The following NUP62 variants were observed in gnomAD, a reference collection of about 807,000 sequenced individuals.
NUP62 encodes the protein nuclear pore glycoprotein p62.
For synonymous variants in NUP62, 305 were observed against 303.4 expected (o/e 1.01, Z -0.05); for missense variants, 647 against 689.4 (o/e 0.94, Z 0.69).
At chr19:49,916,915 C>T (rs980378792) in intron 2 of NUP62, among the ~76,000 whole-genome samples, 3 of 152,168 alleles carry the variant, frequency 2.0e-5, no homozygotes, top group Admixed American at 6.5e-5. Context: ...AGCGAGACCC[C>T]GTCTCAAACA....
intron 2 of NUP62, among the ~76,000 whole-genome samples, chr19:49,913,552 G>A (rs570599055): frequency 2.4e-4 from 37 of 152,312 alleles, no homozygotes; most frequent in African/African-American, 7.5e-4. Flanking sequence ...CTCCGTAAGC[G>A]TTACCACACG....
chr19:49,911,322 A>C (rs2075456880), intron 2 of NUP62: 1 of 152,244 alleles, frequency 6.6e-6, no homozygotes, highest in Non-Finnish European at 1.5e-5. Context: ...GGAGCCAAGG[A>C]AGGCAGAAGC....
chr19:49,926,924 C>T (rs893124649), intron 2 of NUP62, among the ~76,000 whole-genome samples: 34 of 150,586 alleles, frequency 2.3e-4, no homozygotes, highest in East Asian at 2.0e-4. Flanking sequence ...GGCACAATCT[C>T]GGCTTACTGC....
intron 2 of NUP62, among the ~76,000 whole-genome samples, chr19:49,926,501 G>A (rs954048703): frequency 2.0e-5 from 3 of 152,028 alleles, no homozygotes; most frequent in African/African-American, 7.2e-5. Flanking sequence ...CTGCACTCCA[G>A]CCTGGGCGAC....
At chr19:49,927,413 G>A (rs1301617794) in intron 2 of NUP62, among the ~76,000 whole-genome samples, 1 of 152,058 alleles carries the variant, frequency 6.6e-6, no homozygotes, top group South Asian at 2.1e-4. Context: ...CAAAAAATTC[G>A]CATGTTTTGG....
chr19:49,920,217 G>A (rs2075732091), intron 2 of NUP62, among the ~76,000 whole-genome samples: 1 of 152,204 alleles, frequency 6.6e-6, no homozygotes, highest in South Asian at 2.1e-4. Context: ...CAAGTAGCTG[G>A]GACTACAGGC....
chr19:49,910,071 G>A lies in NUP62; in HGVS notation c.-77-187C>T, dbSNP rs1034545109. Among the ~76,000 whole-genome samples, 4 of 152,204 alleles carry A rather than the reference G, an allele frequency of 2.6e-5. 1 individual carries two copies. The South Asian group carries it at 8.3e-4, about 32-fold the overall frequency. On this transcript the variant is annotated intron_variant, in intron 2 of 2. Coordinates refer to ENST00000352066, the MANE Select transcript of NUP62 (RefSeq NM_016553.5). ...AAAGCACGCCCCAGGGGTCAGGTAC[G>A]AGGAGCCGGGGTGCTAGGGACGTGC... is the stretch of plus-strand genomic sequence containing the variant.
Position 49,929,006 on chromosome 19 carries a change from G to A in NUP62, c.-200+320C>T, listed in dbSNP as rs2075987584. On this transcript the variant is annotated intron_variant, in intron 1 of 2. Coordinates refer to ENST00000352066, the MANE Select transcript of NUP62 (RefSeq NM_016553.5). Reference sequence around the variant, plus strand: ...CTGGATCCCCGGCTCAGAGGGAAGAGGTCGGATCCCCAGCTGAGAGGGAGG... The same window carrying A: ...CTGGATCCCCGGCTCAGAGGGAAGAAGTCGGATCCCCAGCTGAGAGGGAGG... The A allele has an allele frequency of 6.6e-6, 1 of 152,326 alleles. No individual in the cohort carries two copies. The highest frequency in any genetic ancestry group is 6.5e-5 in the Admixed American group (1 of 15,270). The allele number at this position is 152,326 out of a possible 1,614,324, so 9.4% of individuals were successfully genotyped here.
Position 49,909,731 on chromosome 19 carries a change from G to A in NUP62, c.77C>T (p.Thr26Ile), listed in dbSNP as rs199851269. Residue 26 changes from threonine to isoleucine, a missense_variant, in exon 3 of 3, where the codon ACC becomes ATC. Thr to Ile is a moderately conservative substitution (Grantham distance 89). Transcript: ENST00000352066. ...GAAAGAAAACCCTGTAGCAGGTGTG[G>A]TTGTTGCCGTCTTTGCAGTGCCAAA... ...FTFGTAKTAT[T>I]TPATGFSFST... is the part of the protein sequence containing the mutation. 3.5e-5 allele frequency: 57 copies of A among 1,614,016 alleles called. 1 individual carries two copies. The highest frequency in any genetic ancestry group is 4.7e-5 in the Non-Finnish European group (55 of 1,180,030).
intron 2 of NUP62, among the ~76,000 whole-genome samples, chr19:49,912,164 A>AC (rs1353184180): frequency 8.5e-6 from 1 of 117,856 alleles, no homozygotes; most frequent in Non-Finnish European, 1.8e-5. Flanking sequence ...TTAACAGTTC[A>AC]CCTTTTTTTT....
In NUP62 at chr19:49,921,508, C is replaced by G. The variant is rs1379984590; in HGVS notation, c.-78+6186G>C. Among the ~76,000 whole-genome samples the G allele has an allele frequency of 6.6e-6, 1 of 152,218 alleles. No individual in the cohort carries two copies. Among genetic ancestry groups the G allele is most frequent in the Non-Finnish European group, 1.5e-5 (1 of 68,040 alleles). On this transcript the variant is annotated intron_variant, in intron 2 of 2. Coordinates refer to ENST00000352066, the MANE Select transcript of NUP62 (RefSeq NM_016553.5). This position sits in a 1 kb window ranked among gnomAD's most constrained non-coding sequence, Gnocchi z 5.4. ...GCCCGCCCCAGCTGCAGACGATGGC[C>G]TGAGACGCCTGCAGGGAAGAGAGGG...
Position 49,909,148 on chromosome 19 carries a change from G to C in NUP62, c.660C>G (p.Ser220Arg). The change falls in exon 3 of 3, where the codon AGC becomes AGG. Residue 220 changes from serine to arginine, a missense_variant. Physicochemically the swap from Ser to Arg is moderately radical, Grantham distance 110. Transcript: ENST00000352066. ...PTATITSTGP[S>R]LFASIATAPT... ...GAGCAGTTGCTATTGACGCAAAGAG[G>C]CTGGGCCCAGTGCTGGTGATGGTGG... 6.2e-7 allele frequency: 1 copy of C among 1,613,112 alleles called. No homozygotes were observed. Among genetic ancestry groups the C allele is most frequent in the Non-Finnish European group, 8.5e-7 (1 of 1,179,822 alleles).
At chr19:49,911,397 G>T (rs891090004) in intron 2 of NUP62, 1 of 152,212 alleles carries the variant, frequency 6.6e-6, no homozygotes, top group Non-Finnish European at 1.5e-5. Context: ...AATAATCAAA[G>T]TCAAGACTGA....
chr19:49,920,850 C>T lies in NUP62; in HGVS notation c.-78+6844G>A, dbSNP rs1285735545. 2.0e-5 allele frequency among the ~76,000 whole-genome samples: 3 copies of T among 152,302 alleles called. 1 individual carries two copies. Among genetic ancestry groups the T allele is most frequent in the East Asian group, 3.9e-4 (2 of 5,184 alleles). On this transcript the variant is annotated intron_variant, in intron 2 of 2. Transcript: ENST00000352066. The stretch of plus-strand genomic sequence containing the variant: ...GGCGTGTGTGGCGGGGGAGGAACGG[C>T]GCACACCTGTGCCCCATCCGCAGCC...
rs2122580442 is a variant in NUP62, at chr19:49,907,301, T to G, written c.*938A>C. 2 of 298,112 alleles carry G rather than the reference T, an allele frequency of 6.7e-6. No individual in the cohort carries two copies. The highest frequency in any genetic ancestry group is 2.6e-5 in the South Asian group (1 of 38,288). 18.5% of individuals were successfully genotyped at this position (298,112 alleles called of 1,614,324 possible). A position where few individuals can be genotyped will look rare whatever the true frequency, so the allele number is the denominator to read the frequency against. Reference sequence around the variant, plus strand: ...AGCTGGGAAGGCTTCCTGGAGGAGGTGAGGCCCAAGGTGGGGGTGAGCCTG... The same window carrying G: ...AGCTGGGAAGGCTTCCTGGAGGAGGGGAGGCCCAAGGTGGGGGTGAGCCTG... On this transcript the variant is annotated 3_prime_UTR_variant, in exon 3 of 3. Coordinates refer to ENST00000352066, the MANE Select transcript of NUP62 (RefSeq NM_016553.5).
At chr19:49,914,660 C>A (rs1195826303) in intron 2 of NUP62, among the ~76,000 whole-genome samples, 1 of 151,562 alleles carries the variant, frequency 6.6e-6, no homozygotes, top group African/African-American at 2.4e-5. Flanking sequence ...TTTGCTGTCA[C>A]CCCAGCCTTC....
In NUP62 at chr19:49,909,392, C is replaced by T; in HGVS notation, c.416G>A (p.Gly139Asp). ...VTSSQGTAPTGFVFGPSTTSV... is the reference protein window; with the variant it reads ...VTSSQGTAPTDFVFGPSTTSV... ...GGTGGTGGAGGGGCCAAACACAAAG[C>T]CGGTGGGTGCTGTGCCCTGGCTGGA... Residue 139 changes from glycine to aspartate, a missense_variant, in exon 3 of 3, where the codon GGC (glycine) becomes GAC (aspartate). Coordinates refer to ENST00000352066, the MANE Select transcript of NUP62 (RefSeq NM_016553.5). The T allele has an allele frequency of 6.2e-7, 1 of 1,613,762 alleles. No individual in the cohort carries two copies. The highest frequency in any genetic ancestry group is 8.5e-7 in the Non-Finnish European group (1 of 1,180,022).
intron 2 of NUP62, 64 bp from the exon 3 acceptor site, chr19:49,909,948 TG>T (rs1320559686): frequency 1.2e-6 from 1 of 845,396 alleles, no homozygotes; most frequent in Non-Finnish European, 2.0e-6. Flanking sequence ...GTGGCATGAC[TG>T]GGCACAGTCG....
intron 2 of NUP62, 141 bp from the exon 3 acceptor site, chr19:49,910,025 C>A: frequency 1.6e-6 from 1 of 632,862 alleles, no homozygotes; most frequent in Non-Finnish European, 2.9e-6. Flanking sequence ...TCTGCTACAT[C>A]GAGAAGGATC....
Sources: gnomAD v4.1 joint callset for allele counts (sites outside exome capture counted in the v4.1 genomes callset) on GRCh38, gnomAD v4.1.1 for gene constraint, Gnocchi (gnomAD v3.1) non-coding constraint, MANE v1.5 for transcripts, NCBI Gene and HGNC (gene_info 2026-07-23, HGNC 2026-07-21) for gene names.